Variants in LRMDA observed in about 807,000 individuals in gnomAD.
The protein encoded by LRMDA is leucine-rich melanocyte differentiation-associated protein.
Under a neutral mutation model 29.8 loss-of-function variants are expected in LRMDA, and 18 were observed. The ratio of observed to expected loss-of-function variants is 0.60; its 90% CI spans 0.42 to 0.90. The LOEUF (loss-of-function observed/expected upper bound fraction) is 0.90. Among genes scored for constraint, LRMDA ranks in the 40% least tolerant of loss-of-function variants. The pLI is 0.00. For missense variants in LRMDA, 273 were observed against 273.9 expected, an observed-to-expected ratio of 1.00 and a Z score of 0.02; for synonymous variants, 125 against 109.4, an observed-to-expected ratio of 1.14 and a Z score of -0.89.
chr10:75,830,813 A>G (rs1285414340), intron 2 of LRMDA, among the ~76,000 whole-genome samples: 1 of 152,122 alleles, frequency 6.6e-6, no homozygotes, highest in Non-Finnish European at 1.5e-5. Flanking sequence ...CAGTCCCCCA[A>G]AGTCTTAACT....
chr10:75,865,094 C>T (rs1844998399), intron 2 of LRMDA, among the ~76,000 whole-genome samples: 1 of 152,026 alleles, frequency 6.6e-6, no homozygotes, highest in Non-Finnish European at 1.5e-5. Flanking sequence ...ATCATTTGGC[C>T]TCTGAAAAAT....
At chr10:76,225,794 G>C (rs571503851) in intron 5 of LRMDA, among the ~76,000 whole-genome samples, 6 of 151,224 alleles carry the variant, frequency 4.0e-5, no homozygotes, top group African/African-American at 1.5e-4. Flanking sequence ...TGCTACATAT[G>C]TATACATGTG....
chr10:75,589,868 A>G (rs930410637), intron 2 of LRMDA, among the ~76,000 whole-genome samples: 2 of 151,770 alleles, frequency 1.3e-5, no homozygotes, highest in African/African-American at 4.8e-5. Flanking sequence ...TGTGTACTCT[A>G]TGGGTATGTA....
chr10:75,478,602 C>T (rs902367195), intron 2 of LRMDA, among the ~76,000 whole-genome samples: 1 of 152,162 alleles, frequency 6.6e-6, no homozygotes, highest in African/African-American at 2.4e-5. Flanking sequence ...TAATGAAATT[C>T]TGTCCATTAT....
At chr10:76,354,838 A>G (rs1183634541) in intron 6 of LRMDA, among the ~76,000 whole-genome samples, 1 of 152,146 alleles carries the variant, frequency 6.6e-6, no homozygotes, top group African/African-American at 2.4e-5. Context: ...CAAATCTTCT[A>G]GCTGTTTTGA....
intron 5 of LRMDA, among the ~76,000 whole-genome samples, chr10:76,102,241 AT>A (rs1341482736): frequency 6.6e-6 from 1 of 151,898 alleles, no homozygotes; most frequent in Admixed American, 6.6e-5. Flanking sequence ...ACATATTTTT[AT>A]TGCATCTGTT....
At chr10:75,856,743 C>T (rs1048880848) in intron 2 of LRMDA, among the ~76,000 whole-genome samples, 6 of 152,172 alleles carry the variant, frequency 3.9e-5, no homozygotes, top group Admixed American at 3.3e-4. Context: ...TGGGCAAAAA[C>T]TGGAAGCATT....
At chr10:75,510,198 C>T (rs1355457843) in intron 2 of LRMDA, among the ~76,000 whole-genome samples, 1 of 152,202 alleles carries the variant, frequency 6.6e-6, no homozygotes, top group Non-Finnish European at 1.5e-5. Flanking sequence ...CTTTCTTCCA[C>T]AAGTGATGGC....
intron 5 of LRMDA, among the ~76,000 whole-genome samples, chr10:76,211,554 ATGAC>A (rs1851634345): frequency 6.6e-6 from 1 of 152,232 alleles, no homozygotes; most frequent in Admixed American, 6.5e-5. Flanking sequence ...ACAACAATGA[ATGAC>A]TGTACTTTAG....
At chr10:76,051,586 G>C (rs894002759) in intron 4 of LRMDA, among the ~76,000 whole-genome samples, 11 of 152,192 alleles carry the variant, frequency 7.2e-5, no homozygotes, top group African/African-American at 2.7e-4. Flanking sequence ...GAGGTGTTGG[G>C]GGTGGTTATA....
intron 2 of LRMDA, among the ~76,000 whole-genome samples, chr10:75,579,853 C>A (rs1005257893): frequency 4.6e-5 from 7 of 152,188 alleles, no homozygotes; most frequent in Admixed American, 4.6e-4. Context: ...CAGAAAAGTC[C>A]TTTGACAAAA....
At chr10:75,817,793 G>C (rs372401744) in intron 2 of LRMDA, among the ~76,000 whole-genome samples, 15 of 152,340 alleles carry the variant, frequency 9.8e-5, no homozygotes, top group African/African-American at 3.6e-4. Flanking sequence ...GAGGGAACTT[G>C]TTTTAGGTAG....
chr10:75,752,745 C>T (rs1842983444), intron 2 of LRMDA, among the ~76,000 whole-genome samples: 1 of 152,166 alleles, frequency 6.6e-6, no homozygotes, highest in Non-Finnish European at 1.5e-5. Flanking sequence ...AGGGTTGACA[C>T]TCTAGGATCA....
chr10:76,270,134 G>A (rs1470673077), intron 5 of LRMDA: 1 of 152,212 alleles, frequency 6.6e-6, no homozygotes, highest in Non-Finnish European at 1.5e-5. Context: ...TACTCTTGTG[G>A]AGTTAATATT....
At chr10:76,549,983 A>G (rs1843473990) in intron 6 of LRMDA, among the ~76,000 whole-genome samples, 1 of 152,190 alleles carries the variant, frequency 6.6e-6, no homozygotes, top group African/African-American at 2.4e-5. Flanking sequence ...ACTCAAGAAA[A>G]TGGGACTTTG....
intron 5 of LRMDA, among the ~76,000 whole-genome samples, chr10:76,218,511 T>A (rs928924824): frequency 6.6e-6 from 1 of 152,338 alleles, no homozygotes; most frequent in African/African-American, 2.4e-5. Context: ...TTGTTTGAGG[T>A]TGAAACTCTC....
At chr10:75,835,537 A>C (rs1182222865) in intron 2 of LRMDA, among the ~76,000 whole-genome samples, 1 of 152,190 alleles carries the variant, frequency 6.6e-6, no homozygotes, top group East Asian at 1.9e-4. Context: ...TATGTAGCCT[A>C]CCATATCGCT....
chr10:75,502,911 T>A (rs538690710), intron 2 of LRMDA, among the ~76,000 whole-genome samples: 34 of 152,262 alleles, frequency 2.2e-4, no homozygotes, highest in African/African-American at 7.0e-4. Flanking sequence ...AGAGGCAACC[T>A]TTTCTTCTCT....
chr10:76,073,520 T>C (rs1165551609), intron 5 of LRMDA, among the ~76,000 whole-genome samples: 1 of 152,228 alleles, frequency 6.6e-6, no homozygotes, highest in Non-Finnish European at 1.5e-5. Flanking sequence ...ATTTTAACCT[T>C]ATGTATAAAA....
Sources: allele counts gnomAD v4.1 joint callset (sites outside exome capture counted in the v4.1 genomes callset), GRCh38; gene constraint gnomAD v4.1.1; transcripts MANE v1.5; gene names NCBI Gene and HGNC (gene_info 2026-07-23, HGNC 2026-07-21).